Variants in CCDC169 observed in about 807,000 individuals in gnomAD.
The protein encoded by CCDC169 is coiled-coil domain-containing protein 169.
A neutral mutation model predicts 36.0 loss-of-function variants in CCDC169; 30 were observed. That is an observed-to-expected ratio of 0.83 (90% CI 0.62 to 1.13). The LOEUF (loss-of-function observed/expected upper bound fraction) is 1.13. CCDC169 is among the 50% of genes most tolerant of loss of function. The pLI is 0.00. For synonymous variants in CCDC169, 85 were observed against 81.5 expected (o/e 1.04, Z -0.23); for missense variants, 245 against 245.9 (o/e 1.00, Z 0.03).
At chr13:36,253,219 A>G (rs542685571) in intron 6 of CCDC169, among the ~76,000 whole-genome samples, 3 of 152,364 alleles carry the variant, frequency 2.0e-5, no homozygotes, top group African/African-American at 7.2e-5. Flanking sequence ...ATTTCATGAT[A>G]GCCCAGAGAT....
At chr13:36,273,151 T>C (rs920078152) in intron 4 of CCDC169, among the ~76,000 whole-genome samples, 8 of 152,216 alleles carry the variant, frequency 5.3e-5, no homozygotes, top group Non-Finnish European at 1.0e-4. Context: ...TATCCATTAA[T>C]TTCAATGATC....
intron 4 of CCDC169, among the ~76,000 whole-genome samples, chr13:36,278,222 T>G (rs1461549992): frequency 6.6e-6 from 1 of 152,214 alleles, no homozygotes; most frequent in Non-Finnish European, 1.5e-5. Context: ...TTATTTGTTT[T>G]ATCTATCTCT....
rs1247774435 is a variant in CCDC169 at position 36,254,184 on chromosome 13, C to G, written c.316-41G>C. 5.3e-6 allele frequency: 7 copies of G among 1,330,576 alleles called. No homozygotes were observed. In the Admixed American group the frequency reaches 8.7e-5, roughly 17 times the overall value. 82.4% of individuals were successfully genotyped at this position (1,330,576 alleles called of 1,614,324 possible). A position where few individuals can be genotyped will look rare whatever the true frequency, so the allele number is the denominator to read the frequency against. ...GTAAAATTTTATATGTACTCATGTT[C>G]TAAACAAAATAAGAAATGACCATCA... On this transcript the variant is annotated intron_variant, in intron 4 of 7. Coordinates refer to ENST00000239859, the MANE Select transcript of CCDC169 (RefSeq NM_001144981.3).
At chr13:36,253,360 ATGGAGT>A (rs1873412148) in intron 6 of CCDC169, among the ~76,000 whole-genome samples, 1 of 149,502 alleles carries the variant, frequency 6.7e-6, no homozygotes, top group African/African-American at 2.5e-5. Context: ...TTTTTCTGAG[ATGGAGT>A]CTTGCTCTAT....
intron 4 of CCDC169, among the ~76,000 whole-genome samples, chr13:36,271,795 A>G (rs987964687): frequency 6.6e-6 from 1 of 151,974 alleles, no homozygotes; most frequent in African/African-American, 2.4e-5. Flanking sequence ...AAAAAACTAC[A>G]CATTAGTGGC....
chr13:36,239,207 T>C, intron 7 of CCDC169, among the ~76,000 whole-genome samples: 1 of 150,208 alleles, frequency 6.7e-6, no homozygotes, highest in Non-Finnish European at 1.5e-5. Flanking sequence ...CACTGCACTG[T>C]AGCTGGGGCA....
downstream of CCDC169, chr13:36,227,441 T>C (rs956778427): frequency 2.1e-6 from 3 of 1,428,878 alleles, no homozygotes; most frequent in African/African-American, 4.3e-5. Context: ...AATATGCTAA[T>C]AAAGCAGATA....
At chr13:36,245,690 A>G (rs570842967) in intron 7 of CCDC169, among the ~76,000 whole-genome samples, 1 of 152,332 alleles carries the variant, frequency 6.6e-6, no homozygotes, top group South Asian at 2.1e-4. Flanking sequence ...TGTCCACTCC[A>G]GTGAACATAT....
chr13:36,259,984 A>G (rs575991000), intron 4 of CCDC169, among the ~76,000 whole-genome samples: 3 of 152,352 alleles, frequency 2.0e-5, no homozygotes, highest in East Asian at 1.9e-4. Context: ...GCCTGCTCCA[A>G]TGGAGGTGCC....
intron 2 of CCDC169, among the ~76,000 whole-genome samples, chr13:36,284,514 A>G (rs1022062304): frequency 6.6e-6 from 1 of 152,216 alleles, no homozygotes; most frequent in South Asian, 2.1e-4. Context: ...AAGCTGAAGG[A>G]ACAATGTACA....
intron 4 of CCDC169, among the ~76,000 whole-genome samples, chr13:36,271,717 A>T (rs568080960): frequency 3.3e-5 from 5 of 152,166 alleles, no homozygotes; most frequent in Non-Finnish European, 7.3e-5. Flanking sequence ...AGTATGCAGA[A>T]GCATACAGAG....
In CCDC169 at chr13:36,250,881, G is replaced by C. The variant is rs951492567; in HGVS notation, c.469-2199C>G. ...ACAATTTTAACAATTAGAACTTCCCGATAATGAAACAGAAAAGCCTCAGAT... is the reference window on the plus strand; with the variant it reads ...ACAATTTTAACAATTAGAACTTCCCCATAATGAAACAGAAAAGCCTCAGAT... On this transcript the variant is annotated intron_variant, in intron 6 of 7. Transcript: ENST00000239859. Among the ~76,000 whole-genome samples the C allele has an allele frequency of 2.0e-5, 3 of 152,118 alleles. No homozygotes were observed. In the South Asian group the frequency reaches 6.2e-4, roughly 31 times the overall value.
At chr13:36,278,035 A>G (rs1050791264) in intron 4 of CCDC169, among the ~76,000 whole-genome samples, 15 of 152,218 alleles carry the variant, frequency 9.9e-5, no homozygotes, top group Non-Finnish European at 1.5e-4. Flanking sequence ...CACAACTTAT[A>G]TAACAGCACA....
intron 4 of CCDC169, among the ~76,000 whole-genome samples, chr13:36,273,927 T>C (rs1195352883): frequency 6.6e-6 from 1 of 152,156 alleles, no homozygotes; most frequent in East Asian, 1.9e-4. Flanking sequence ...TCTGTGCGTG[T>C]TCATTCTCTC....
chr13:36,244,456 C>A (rs1383692376), intron 7 of CCDC169: 1 of 152,052 alleles, frequency 6.6e-6, no homozygotes. Flanking sequence ...TACTGTCATA[C>A]CTGTTGTTGC....
chr13:36,231,403 C>G (rs1870411650), intron 7 of CCDC169, 111 bp from the exon 8 acceptor site: 1 of 1,046,010 alleles, frequency 9.6e-7, no homozygotes, highest in Admixed American at 2.5e-5. Context: ...CCCCAACAGA[C>G]CTTCACACGG....
chr13:36,248,491 T>C, intron 7 of CCDC169, 115 bp downstream of exon 7: 4 of 883,094 alleles, frequency 4.5e-6, no homozygotes, highest in South Asian at 3.7e-5. Context: ...CAATTTTATA[T>C]TGTTGCTATA....
chr13:36,265,058 A>T (rs960845130), intron 4 of CCDC169, among the ~76,000 whole-genome samples: 1 of 152,358 alleles, frequency 6.6e-6, no homozygotes, highest in East Asian at 1.9e-4. Context: ...TCCAACTTTC[A>T]TAATGGATTT....
intron 7 of CCDC169, among the ~76,000 whole-genome samples, chr13:36,233,234 T>C (rs1053185290): frequency 1.8e-5 from 1 of 55,244 alleles, no homozygotes; most frequent in Non-Finnish European, 5.4e-5. Context: ...GAGACTTCAG[T>C]GTCCACCCCA....
Sources: gnomAD v4.1 joint callset for allele counts (sites outside exome capture counted in the v4.1 genomes callset) on GRCh38, gnomAD v4.1.1 for gene constraint, MANE v1.5 for transcripts, NCBI Gene and HGNC (gene_info 2026-07-23, HGNC 2026-07-21) for gene names.